Variants in SGCZ observed in about 807,000 individuals in gnomAD.
SGCZ encodes the protein sarcoglycan zeta.
SGCZ carries 40 observed loss-of-function variants against 41.3 expected under a neutral mutation model. The observed-to-expected ratio is 0.97, with a 90% confidence interval of 0.75 to 1.26. SGCZ has a LOEUF of 1.26. SGCZ is among the 50% of genes most tolerant of loss of function. SGCZ has a pLI of 0.00. For missense variants in SGCZ, 552 were observed against 369.8 expected, an observed-to-expected ratio of 1.49 and a Z score of -4.04; for synonymous variants, 206 against 137.5, an observed-to-expected ratio of 1.50 and a Z score of -3.49.
At chr8:14,780,026 T>A (rs1236490166) in intron 1 of SGCZ, among the ~76,000 whole-genome samples, 1 of 152,130 alleles carries the variant, frequency 6.6e-6, no homozygotes, top group Non-Finnish European at 1.5e-5. Context: ...CCTTTCTAAC[T>A]TCCCTTAAGA....
At chr8:15,116,512 C>T (rs1308723707) in intron 1 of SGCZ, among the ~76,000 whole-genome samples, 3 of 152,136 alleles carry the variant, frequency 2.0e-5, no homozygotes, top group African/African-American at 7.2e-5. Context: ...TAGATTTTGT[C>T]AAAGGTCTTT....
chr8:15,066,278 G>A (rs1349958273), intron 1 of SGCZ, among the ~76,000 whole-genome samples: 2 of 144,046 alleles, frequency 1.4e-5, no homozygotes, highest in East Asian at 2.1e-4. Flanking sequence ...ACTGCAGTCC[G>A]CAGTCCGGCC....
At chr8:14,310,354 T>C (rs1325537089) in intron 3 of SGCZ, among the ~76,000 whole-genome samples, 3 of 152,152 alleles carry the variant, frequency 2.0e-5, no homozygotes, top group Non-Finnish European at 2.9e-5. Flanking sequence ...TTTTGTTTCT[T>C]ATAACTACAA....
intron 3 of SGCZ, among the ~76,000 whole-genome samples, chr8:14,266,731 CT>C (rs745483149): frequency 6.6e-6 from 1 of 152,020 alleles, no homozygotes; most frequent in Non-Finnish European, 1.5e-5. Flanking sequence ...TTCCAGTTGT[CT>C]ATGATCAAAG....
At chr8:14,677,840 G>A (rs1808323627) in intron 1 of SGCZ, among the ~76,000 whole-genome samples, 1 of 152,102 alleles carries the variant, frequency 6.6e-6, no homozygotes, top group Non-Finnish European at 1.5e-5. Flanking sequence ...GCCTAGAACA[G>A]CTAAAATAAC....
At chr8:14,776,524 T>C (rs551627219) in intron 1 of SGCZ, among the ~76,000 whole-genome samples, 31 of 146,510 alleles carry the variant, frequency 2.1e-4, no homozygotes, top group Admixed American at 1.2e-3. Context: ...TTTTCTTTTT[T>C]TTTTTTTTTT....
chr8:14,467,412 T>G (rs1313248463), intron 2 of SGCZ, among the ~76,000 whole-genome samples: 13 of 152,002 alleles, frequency 8.6e-5, no homozygotes. Context: ...GAAGCAATAA[T>G]CACCAATCTG....
intron 4 of SGCZ, among the ~76,000 whole-genome samples, chr8:14,184,684 T>G (rs1360319083): frequency 6.6e-6 from 1 of 152,222 alleles, no homozygotes; most frequent in Non-Finnish European, 1.5e-5. Flanking sequence ...TCTAGCATAG[T>G]TTTGGACTAA....
chr8:14,513,280 C>T (rs1457483561), intron 2 of SGCZ, among the ~76,000 whole-genome samples: 1 of 152,080 alleles, frequency 6.6e-6, no homozygotes, highest in African/African-American at 2.4e-5. Flanking sequence ...TTAAGCAATC[C>T]TCCCACCTTG....
At chr8:15,171,268 A>T (rs1445695156) in intron 1 of SGCZ, among the ~76,000 whole-genome samples, 1 of 152,220 alleles carries the variant, frequency 6.6e-6, no homozygotes, top group Non-Finnish European at 1.5e-5. Context: ...GTTGAAAGAG[A>T]TTGTGCAGGG....
rs528777790 is a variant in SGCZ, at chr8:14,422,447, T to C, written c.235-98243A>G. 3.3e-5 allele frequency among the ~76,000 whole-genome samples: 5 copies of C among 152,342 alleles called. No individual in the cohort carries two copies. In the South Asian group the frequency reaches 8.3e-4, roughly 25 times the overall value. ...AACTGTATTGGAGACAATTTTAGAC[T>C]ACTTAATTTAAATAGTGAAAATCTC... On this transcript the variant is annotated intron_variant, in intron 2 of 7. Coordinates refer to ENST00000382080, the MANE Select transcript of SGCZ (RefSeq NM_139167.4).
chr8:14,575,932 A>AAAAAAAAAAAAAAAG (rs1563126402), intron 1 of SGCZ, among the ~76,000 whole-genome samples: 2 of 136,438 alleles, frequency 1.5e-5, no homozygotes, highest in Non-Finnish European at 3.1e-5. Flanking sequence ...AAAAAAAAAA[A>AAAAAAAAAAAAAAAG]AAAGAAAGAA....
At chr8:14,495,558 G>A (rs182419909) in intron 2 of SGCZ, among the ~76,000 whole-genome samples, 27 of 152,218 alleles carry the variant, frequency 1.8e-4, no homozygotes, top group Admixed American at 1.5e-3. Flanking sequence ...TATATCAATA[G>A]TGTACATTTG....
At chr8:15,135,537 A>G (rs268432) in intron 1 of SGCZ, among the ~76,000 whole-genome samples, 1,698 of 152,292 alleles carry the variant, frequency 0.011, 30 homozygotes, top group African/African-American at 0.038. Context: ...ATATTTACCA[A>G]CTCTAATAGA....
In SGCZ at chr8:15,104,003, G is replaced by A. The variant is rs558922338; in HGVS notation, c.39+133582C>T. Among the ~76,000 whole-genome samples the A allele has an allele frequency of 3.9e-5, 6 of 152,298 alleles. No individual in the cohort carries two copies. In the South Asian group the frequency reaches 1.2e-3, roughly 32 times the overall value. ...ACCGTACGCTGGATAAGGGATAACA[G>A]ACAATGACTTGGCATTTTCATGATT... On this transcript the variant is annotated intron_variant, in intron 1 of 7. Coordinates refer to ENST00000382080, the MANE Select transcript of SGCZ (RefSeq NM_139167.4).
rs538103929 is a variant in SGCZ at position 14,731,034 on chromosome 8, G to A, written c.40-176108C>T. 1.1e-3 allele frequency among the ~76,000 whole-genome samples: 168 copies of A among 151,662 alleles called. 9 individuals are homozygous for A. Among genetic ancestry groups the A allele is most frequent in the Middle Eastern group, 3.4e-3 (1 of 294 alleles). On this transcript the variant is annotated intron_variant, in intron 1 of 7. Coordinates refer to ENST00000382080, the MANE Select transcript of SGCZ (RefSeq NM_139167.4). ...ATTTGACCCAGCAACCCCATTACTA[G>A]GTATATACCCAAAGGATGATAAATA...
At chr8:14,431,909 C>A (rs961374986) in intron 2 of SGCZ, among the ~76,000 whole-genome samples, 1 of 152,014 alleles carries the variant, frequency 6.6e-6, no homozygotes, top group Non-Finnish European at 1.5e-5. Context: ...ACACCAATGG[C>A]CAACAAACAT....
chr8:15,156,961 A>AAAAAAAAAAAAAAG (rs1554468048), intron 1 of SGCZ, among the ~76,000 whole-genome samples: 1 of 150,394 alleles, frequency 6.6e-6, no homozygotes, highest in African/African-American at 2.5e-5. Flanking sequence ...AAAAAAAAAG[A>AAAAAAAAAAAAAAG]AAAGAAAAAG....
At chr8:14,746,705 T>G (rs1486232679) in intron 1 of SGCZ, among the ~76,000 whole-genome samples, 2 of 152,218 alleles carry the variant, frequency 1.3e-5, no homozygotes, top group Non-Finnish European at 2.9e-5. Flanking sequence ...CATGATTATA[T>G]GGTGACTCCT....
Sources: allele counts gnomAD v4.1 joint callset (sites outside exome capture counted in the v4.1 genomes callset), GRCh38; gene constraint gnomAD v4.1.1; transcripts MANE v1.5; gene names NCBI Gene and HGNC (gene_info 2026-07-23, HGNC 2026-07-21).